The following NEK2 variants were observed in gnomAD, a reference collection of about 807,000 sequenced individuals.
NEK2 encodes the protein serine/threonine-protein kinase Nek2.
In NEK2, 28 loss-of-function variants were observed where a neutral mutation model predicts 54.1. The observed-to-expected ratio is 0.52, with a 90% confidence interval of 0.38 to 0.71. NEK2 has a LOEUF of 0.71. NEK2 is among the 30% of genes least tolerant of loss of function. NEK2 has a pLI of 0.00. For synonymous variants in NEK2, 176 were observed against 193.1 expected (o/e 0.91, Z 0.73); for missense variants, 407 against 531.5 (o/e 0.77, Z 2.30).
At position 211,669,133 on chromosome 1, in the gene NEK2, G is replaced by T. The variant is rs1179610927; in HGVS notation, c.965C>A (p.Ala322Glu). 4 of 1,613,820 alleles carry T rather than the reference G, an allele frequency of 2.5e-6. No individual in the cohort carries two copies. Among genetic ancestry groups the T allele is most frequent in the Non-Finnish European group, 3.4e-6 (4 of 1,179,820 alleles). The stretch of plus-strand genomic sequence containing the variant: ...CTTACGCTCCAATCTTTCTTCTCTT[G>T]CTTTGAGAGCTCGCTCTCGCTCCTG... ...QLQERERALK[A>E]REERLEQKEQ... The change falls in exon 6 of 8, where the codon GCA (alanine) becomes GAA (glutamate). Residue 322 changes from alanine to glutamate, a missense_variant. Transcript: ENST00000366999.
chr1:211,671,890 G>A (rs899519326), intron 3 of NEK2, among the ~76,000 whole-genome samples: 2 of 152,186 alleles, frequency 1.3e-5, no homozygotes, highest in African/African-American at 4.8e-5. Context: ...TTGACAATCA[G>A]TGCCTTAGGA....
chr1:211,674,502 C>A lies in NEK2; in HGVS notation c.108G>T (p.Trp36Cys), dbSNP rs1655514241. Residue 36 changes from tryptophan to cysteine, a missense_variant, in exon 2 of 8, where the codon TGG (tryptophan) becomes TGT (cysteine). Trp to Cys is a radical substitution (Grantham distance 215). Transcript: ENST00000366999. ...RRKSDGKILV[W>C]KELDYGSMTE... ...TCATGGAGCCATAGTCAAGTTCTTTCCAAACTAATATCTGAAATAAGAATT... is the reference window on the plus strand; with the variant it reads ...TCATGGAGCCATAGTCAAGTTCTTTACAAACTAATATCTGAAATAAGAATT... The A allele has an allele frequency of 6.2e-7, 1 of 1,607,518 alleles. No homozygotes were observed. Among genetic ancestry groups the A allele is most frequent in the Non-Finnish European group, 8.5e-7 (1 of 1,175,740 alleles).
chr1:211,664,910 G>A (rs1655129951), intron 7 of NEK2, among the ~76,000 whole-genome samples: 1 of 152,318 alleles, frequency 6.6e-6, no homozygotes, highest in African/African-American at 2.4e-5. Context: ...CAGCTGTAGT[G>A]CACTACAGCC....
intron 7 of NEK2, chr1:211,666,400 T>C (rs1655179210): frequency 1.5e-6 from 1 of 689,116 alleles, no homozygotes; most frequent in Admixed American, 6.3e-5. Flanking sequence ...ATGCTTTCTA[T>C]GAAAAATGAG....
chr1:211,674,114 C>A (rs942212028), intron 2 of NEK2, among the ~76,000 whole-genome samples, 182 bp downstream of exon 2: 2 of 152,120 alleles, frequency 1.3e-5, no homozygotes, highest in Non-Finnish European at 2.9e-5. Flanking sequence ...CCACACTCAG[C>A]CTATAAATTG....
chr1:211,674,053 T>A (rs1427898751), intron 2 of NEK2, among the ~76,000 whole-genome samples: 1 of 152,144 alleles, frequency 6.6e-6, no homozygotes, highest in East Asian at 1.9e-4. Context: ...TGGGCTCAAG[T>A]GATCCTCCCG....
chr1:211,667,182 C>T lies in NEK2; in HGVS notation c.1035G>A (p.Leu345=), dbSNP rs765352217. 2 of 1,613,522 alleles carry T rather than the reference C, an allele frequency of 1.2e-6. No individual in the cohort carries two copies. Among genetic ancestry groups the T allele is most frequent in the Non-Finnish European group, 1.7e-6 (2 of 1,179,714 alleles). ...TCTTCAACAGATTTTCTGCTCTAGCCAGTTTGTCCTCTGCTAGTCTCTCAC... is the reference window on the plus strand; with the variant it reads ...TCTTCAACAGATTTTCTGCTCTAGCTAGTTTGTCCTCTGCTAGTCTCTCAC... ...CVRERLAEDK[L]ARAENLLKNY... Residue 345 remains leucine, a synonymous_variant, in exon 7 of 8, where the codon CTG becomes CTA. Coordinates refer to ENST00000366999, the MANE Select transcript of NEK2 (RefSeq NM_002497.4).
Position 211,663,007 on chromosome 1 carries a change from TCA to T in NEK2, c.*417_*418del. The T allele has an allele frequency of 1.0e-6, 1 of 991,404 alleles. No homozygotes were observed. The highest frequency in any genetic ancestry group is 1.2e-6 in the Non-Finnish European group (1 of 833,348). The allele number at this position is 991,404 out of a possible 1,614,324, so 61.4% of individuals were successfully genotyped here. A position where few individuals can be genotyped will look rare whatever the true frequency, so the allele number is the denominator to read the frequency against. ...TCTAAGCTCAAAAACATTTAAAATC[TCA>T]GACTTAAAATTTAAATCTAGACATG... is the stretch of plus-strand genomic sequence containing the variant. On this transcript the variant is annotated 3_prime_UTR_variant, in exon 8 of 8. Transcript: ENST00000366999.
chr1:211,661,412 T>A (rs1474249020), downstream of NEK2: 2 of 301,518 alleles, frequency 6.6e-6, no homozygotes, highest in Non-Finnish European at 1.3e-5. Context: ...GGTAACACTT[T>A]GAAATTCACT....
At chr1:211,670,695 A>G (rs1655347096) in intron 4 of NEK2, among the ~76,000 whole-genome samples, 2 of 152,194 alleles carry the variant, frequency 1.3e-5, no homozygotes, top group Admixed American at 1.3e-4. Context: ...TGTGATAACT[A>G]AAAATTTATC....
chr1:211,663,880 A>G (rs1467252116), intron 7 of NEK2, among the ~76,000 whole-genome samples: 1 of 152,206 alleles, frequency 6.6e-6, no homozygotes, highest in Non-Finnish European at 1.5e-5. Context: ...TTCAAGGAAC[A>G]TAAGTTTTAT....
chr1:211,664,062 GT>G (rs10710484), intron 7 of NEK2, among the ~76,000 whole-genome samples: 61,694 of 138,934 alleles, frequency 0.44, 13,642 homozygotes, highest in African/African-American at 0.49. Flanking sequence ...TTCTGTCTTT[GT>G]TTTTTTTTTT....
Position 211,667,340 on chromosome 1 carries a change from C to T in NEK2, c.986-109G>A, listed in dbSNP as rs115578719. On this transcript the variant is annotated intron_variant, in intron 6 of 7. Coordinates refer to ENST00000366999, the MANE Select transcript of NEK2 (RefSeq NM_002497.4). ...TACTAGCATGCCTGATACTGATAAG[C>T]AATGTTTGGGGAAAGGATTCTCACT... The T allele has an allele frequency of 6.2e-4, 645 of 1,042,818 alleles. 4 individuals are homozygous for T. The African/African-American group carries it at 9.0e-3, about 14-fold the overall frequency. 64.6% of individuals were successfully genotyped at this position (1,042,818 alleles called of 1,614,324 possible).
chr1:211,669,270 T>C lies in NEK2; in HGVS notation c.828A>G (p.Ala276=). The C allele has an allele frequency of 6.2e-7, 1 of 1,614,174 alleles. No homozygotes were observed. The highest frequency in any genetic ancestry group is 1.1e-5 in the South Asian group (1 of 91,086). The part of the protein sequence containing the change: ...LENPLIADLV[A]DEQRRNLERR... ...TCTCAAGATTTCTTCTTTGCTCGTC[T>C]GCAACCAAATCTGCTATTAAAGGGT... is the stretch of plus-strand genomic sequence containing the variant. Residue 276 remains alanine, a synonymous_variant, in exon 6 of 8, where the codon GCA becomes GCG. Transcript: ENST00000366999.
chr1:211,666,641 A>T (rs1052340286), intron 7 of NEK2: 2 of 298,472 alleles, frequency 6.7e-6, no homozygotes, highest in Non-Finnish European at 9.9e-6. Context: ...TCTACTAAAA[A>T]TACAAAAATT....
At chr1:211,658,692 C>G, downstream of NEK2, 1 of 319,946 alleles carries the variant, frequency 3.1e-6, no homozygotes, top group Non-Finnish European at 5.9e-6. Flanking sequence ...TGCATTCCAG[C>G]CTGGGCAACA....
intron 5 of NEK2, 140 bp downstream of exon 5, chr1:211,670,141 A>C: frequency 8.2e-6 from 7 of 853,422 alleles, no homozygotes; most frequent in Non-Finnish European, 6.7e-6. Context: ...ATATGTTTTC[A>C]CTTGTGTTAA....
chr1:211,674,168 C>A (rs61849681), intron 2 of NEK2, 128 bp downstream of exon 2: 77,590 of 719,724 alleles, frequency 0.11, 5,021 homozygotes, highest in African/African-American at 0.22. Context: ...CAGGAATTTT[C>A]TAAAGTACTG....
At chr1:211,658,521 T>C (rs764504720), downstream of NEK2, 1 of 305,344 alleles carries the variant, frequency 3.3e-6, no homozygotes, top group Non-Finnish European at 6.5e-6. Context: ...CTGGGCGCAA[T>C]GGCTCATACC....
Sources: allele counts gnomAD v4.1 joint callset (sites outside exome capture counted in the v4.1 genomes callset), GRCh38; gene constraint gnomAD v4.1.1; transcripts MANE v1.5; gene names NCBI Gene and HGNC (gene_info 2026-07-23, HGNC 2026-07-21).